SRSF11: variants seen among roughly 807,000 people sequenced by gnomAD.
SRSF11 encodes serine/arginine-rich splicing factor 11.
A neutral mutation model predicts 56.0 loss-of-function variants in SRSF11; 9 were observed. The observed-to-expected ratio is 0.16, with a 90% CI of 0.10 to 0.28. The LOEUF is 0.28. SRSF11 is among the 10% of genes least tolerant of loss of function. The pLI is 1.00. For missense variants in SRSF11, 421 were observed against 600.7 expected, an observed-to-expected ratio of 0.70 and a Z score of 3.13; for synonymous variants, 222 against 215.3, an observed-to-expected ratio of 1.03 and a Z score of -0.27.
chr1:70,234,624 TAAA>T, intron 3 of SRSF11, 69 bp from the exon 4 acceptor site: 1 of 1,264,296 alleles, frequency 7.9e-7, no homozygotes, highest in Admixed American at 2.3e-5. Context: ...CCCTTTACAT[TAAA>T]AAAGTATTAA....
At position 70,250,434 on chromosome 1, in the gene SRSF11, C is replaced by CAAGAAG; in HGVS notation, c.1196_1201dup (p.Lys399_Lys400dup). 6.3e-7 allele frequency: 1 copy of CAAGAAG among 1,589,950 alleles called. No individual in the cohort carries two copies. ...GGGATGAAAGAGAACGATCAACAAG[C>CAAGAAG]AAGAAGAAGAAGAGTAAAGATAAGG... is the stretch of plus-strand genomic sequence containing the variant. On this transcript the variant is annotated inframe_insertion, in exon 11 of 12. Transcript: ENST00000370949.
At chr1:70,242,129 A>C (rs1375664253) in intron 7 of SRSF11, among the ~76,000 whole-genome samples, 1 of 149,996 alleles carries the variant, frequency 6.7e-6, no homozygotes, top group Non-Finnish European at 1.5e-5. Flanking sequence ...GGATGGCGCC[A>C]CTGCACTCCA....
chr1:70,232,856 T>C (rs1558185215), intron 3 of SRSF11, among the ~76,000 whole-genome samples: 1 of 152,174 alleles, frequency 6.6e-6, no homozygotes, highest in Non-Finnish European at 1.5e-5. Context: ...GAAAGAAAAT[T>C]GGTTGCAATA....
intron 2 of SRSF11, chr1:70,229,538 A>G: frequency 1.0e-6 from 1 of 985,136 alleles, no homozygotes; most frequent in Non-Finnish European, 1.2e-6. Flanking sequence ...TTTGGTAACT[A>G]TAAATTTTAC....
chr1:70,244,733 C>A lies in SRSF11; in HGVS notation c.850C>A (p.Arg284=). Residue 284 remains arginine (R), a synonymous_variant, in exon 8 of 12, where the codon CGG becomes AGG. Coordinates refer to ENST00000370949, the MANE Select transcript of SRSF11 (RefSeq NM_001350605.2). ...RRRSHSKSRS[R]RRSKSPRRRR... The stretch of plus-strand genomic sequence containing the variant: ...GCGGTCACATTCTAAGTCTAGGAGT[C>A]GGCGACGATCCAAAAGCCCAAGGCG... 1.2e-6 allele frequency: 2 copies of A among 1,614,018 alleles called. No individual in the cohort carries two copies. The highest frequency in any genetic ancestry group is 1.7e-6 in the Non-Finnish European group (2 of 1,179,982).
chr1:70,250,218 A>G, intron 10 of SRSF11, 147 bp from the exon 11 acceptor site: 1 of 1,374,620 alleles, frequency 7.3e-7, no homozygotes, highest in South Asian at 1.4e-5. Context: ...TTTTAGTCCT[A>G]TAAACAAGTT....
upstream of SRSF11, among the ~76,000 whole-genome samples, chr1:70,219,050 T>C (rs372903183): frequency 3.3e-5 from 5 of 152,364 alleles, no homozygotes; most frequent in African/African-American, 9.6e-5. Context: ...TCTGAAACTT[T>C]CTGAGCACTA....
In SRSF11 at chr1:70,237,221, ACT is replaced by A. The variant is rs139343064; in HGVS notation, c.591-201_591-200del. On this transcript the variant is annotated intron_variant, in intron 5 of 11. Coordinates refer to ENST00000370949, the MANE Select transcript of SRSF11 (RefSeq NM_001350605.2). ...ATAGGTATTTTTCTAATTCCAGATG[ACT>A]CTTAGTCATTAAAACAAATACTTGT... Among the ~76,000 whole-genome samples the A allele has an allele frequency of 8.2e-3, 1,250 of 152,248 alleles. 17 individuals carry two copies. Among genetic ancestry groups the A allele is most frequent in the African/African-American group, 0.029 (1,192 of 41,532 alleles).
At chr1:70,225,397 C>T (rs1322827308) in intron 1 of SRSF11, among the ~76,000 whole-genome samples, 1 of 152,136 alleles carries the variant, frequency 6.6e-6, no homozygotes, top group Non-Finnish European at 1.5e-5. Flanking sequence ...GAAGGGGGCA[C>T]ATGAGGTCAG....
chr1:70,248,975 AG>A lies in SRSF11; in HGVS notation c.1023-976del, dbSNP rs567973212. Reference sequence around the variant, plus strand: ...GACAAGGGTCACAGAGGGCTGTGTAAGTAGAAAAAAAGCTTCATTTGGAAAT... The same window carrying A: ...GACAAGGGTCACAGAGGGCTGTGTAATAGAAAAAAAGCTTCATTTGGAAAT... On this transcript the variant is annotated intron_variant, in intron 9 of 11. Transcript: ENST00000370949. 41 of 152,288 alleles carry A rather than the reference AG, an allele frequency of 2.7e-4. No individual in the cohort carries two copies. The East Asian group carries it at 7.9e-3, about 29-fold the overall frequency. The allele number at this position is 152,288 out of a possible 1,614,324, so 9.4% of individuals were successfully genotyped here.
chr1:70,238,215 A>T (rs946588336), intron 6 of SRSF11, among the ~76,000 whole-genome samples: 14 of 152,330 alleles, frequency 9.2e-5, no homozygotes, highest in African/African-American at 3.4e-4. Flanking sequence ...AACCAGGAAA[A>T]TGTCAAATAA....
intron 8 of SRSF11, 173 bp from the exon 9 acceptor site, chr1:70,246,645 T>C: frequency 4.4e-6 from 2 of 456,980 alleles, no homozygotes. Context: ...AAGAAGTTAT[T>C]GTACTTCAAA....
At chr1:70,229,337 A>G in intron 2 of SRSF11, 2 of 1,241,450 alleles carry the variant, frequency 1.6e-6, no homozygotes, top group Non-Finnish European at 2.1e-6. Flanking sequence ...TTCCTGGTGT[A>G]ACCATTTGTT....
chr1:70,223,247 A>G (rs1671045983), intron 1 of SRSF11, among the ~76,000 whole-genome samples: 1 of 152,224 alleles, frequency 6.6e-6, no homozygotes, highest in Admixed American at 6.5e-5. Flanking sequence ...TATTCGAATT[A>G]CTACAATTCT....
intron 2 of SRSF11, chr1:70,230,766 T>C: frequency 8.5e-7 from 1 of 1,174,540 alleles, no homozygotes; most frequent in South Asian, 1.7e-5. Context: ...AGGATTTTAG[T>C]TTGCCAGAAA....
chr1:70,246,128 TAAAG>T lies in SRSF11; in HGVS notation c.933-688_933-685del, dbSNP rs781667003. 1.1e-4 allele frequency among the ~76,000 whole-genome samples: 17 copies of T among 152,198 alleles called. 1 individual carries two copies. The highest frequency in any genetic ancestry group is 5.2e-4 in the Admixed American group (8 of 15,290). On this transcript the variant is annotated intron_variant, in intron 8 of 11. Coordinates refer to ENST00000370949, the MANE Select transcript of SRSF11 (RefSeq NM_001350605.2). ...TTGATTCTTAAAATTAGAGAATAGTTAAAGAGGGGGGTTGTTATGAGACTTCTCA... is the reference window on the plus strand; with the variant it reads ...TTGATTCTTAAAATTAGAGAATAGTTAGGGGGGTTGTTATGAGACTTCTCA...
intron 1 of SRSF11, 74 bp downstream of exon 1, chr1:70,221,913 G>GC: frequency 6.4e-7 from 1 of 1,567,052 alleles, no homozygotes; most frequent in Non-Finnish European, 8.6e-7. Flanking sequence ...ATTTCCTTAG[G>GC]CCCCTGTCGC....
At chr1:70,230,923 C>G (rs901573470) in intron 2 of SRSF11, 5 of 1,195,660 alleles carry the variant, frequency 4.2e-6, no homozygotes, top group Admixed American at 7.2e-5. Context: ...TCTTCTCCCC[C>G]TTCCCCTCCA....
At chr1:70,249,785 C>T in intron 9 of SRSF11, 167 bp from the exon 10 acceptor site, 2 of 634,536 alleles carry the variant, frequency 3.2e-6, no homozygotes, top group Non-Finnish European at 2.7e-6. Context: ...GTCTGGAACT[C>T]CTGGGCTCAA....
Sources: allele counts gnomAD v4.1 joint callset (sites outside exome capture counted in the v4.1 genomes callset), GRCh38; gene constraint gnomAD v4.1.1; transcripts MANE v1.5; gene names NCBI Gene and HGNC (gene_info 2026-07-23, HGNC 2026-07-21).